Variants in TMEM223 observed in about 807,000 individuals in gnomAD.
TMEM223 encodes transmembrane protein 223.
Under a neutral mutation model 14.1 loss-of-function variants are expected in TMEM223, and 14 were observed. The ratio of observed to expected loss-of-function variants is 0.99; its 90% CI spans 0.66 to 1.55. The LOEUF is 1.55. Among genes scored for constraint, TMEM223 ranks in the 40% most tolerant of loss-of-function variants. TMEM223 has a pLI of 0.00. For missense variants in TMEM223, 346 were observed against 269.9 expected, an observed-to-expected ratio of 1.28 and a Z score of -1.97; for synonymous variants, 145 against 120.5, an observed-to-expected ratio of 1.20 and a Z score of -1.33.
At chr11:62,784,858 G>T (rs182224407), downstream of TMEM223, among the ~76,000 whole-genome samples, 6 of 152,082 alleles carry the variant, frequency 3.9e-5, no homozygotes, top group East Asian at 5.8e-4. Flanking sequence ...TTTTAAAAGG[G>T]TTTATATTCA....
At chr11:62,789,543 G>T, downstream of TMEM223, 1 of 1,565,428 alleles carries the variant, frequency 6.4e-7, no homozygotes, top group Non-Finnish European at 8.7e-7. Flanking sequence ...ACTGGGCACA[G>T]GTGTGCCTCG....
downstream of TMEM223, among the ~76,000 whole-genome samples, chr11:62,788,325 C>G (rs909707313): frequency 1.3e-5 from 2 of 152,082 alleles, no homozygotes; most frequent in African/African-American, 2.4e-5. Flanking sequence ...ATCGCTTGAA[C>G]CTGGGAGGCG....
chr11:62,778,466 G>T, intron 1 of TMEM223: 2 of 1,117,466 alleles, frequency 1.8e-6, no homozygotes, highest in Non-Finnish European at 2.6e-6. Flanking sequence ...CATGGTCTGA[G>T]TGGGCGCTGG....
downstream of TMEM223, among the ~76,000 whole-genome samples, chr11:62,788,842 C>T (rs780492327): frequency 4.9e-4 from 74 of 152,174 alleles, no homozygotes; most frequent in African/African-American, 1.7e-3. Context: ...TGGCCACTGC[C>T]GGTGTGATTC....
In TMEM223 at chr11:62,790,453, G is replaced by A; in HGVS notation, c.*170C>T. 3.0e-6 allele frequency: 1 copy of A among 329,742 alleles called. No homozygotes were observed. The highest frequency in any genetic ancestry group is 7.0e-5 in the South Asian group (1 of 14,238). 20.4% of individuals were successfully genotyped at this position (329,742 alleles called of 1,614,324 possible). On this transcript the variant is annotated 3_prime_UTR_variant, in exon 2 of 2. Transcript: ENST00000307366. ...GGCGTTTTTTTTTGTTTTTTTTTTTGTAAATAGAGACAAGGTCTCGCTATG... is the reference window on the plus strand; with the variant it reads ...GGCGTTTTTTTTTGTTTTTTTTTTTATAAATAGAGACAAGGTCTCGCTATG...
intron 1 of TMEM223, chr11:62,777,897 G>C: frequency 6.6e-7 from 1 of 1,521,386 alleles, no homozygotes; most frequent in Admixed American, 1.8e-5. Context: ...TCTCTGCTCT[G>C]GTCAGTGGAG....
chr11:62,790,101 A>T lies in TMEM223; in HGVS notation c.*522T>A. The T allele has an allele frequency of 6.8e-7, 1 of 1,468,146 alleles. No individual in the cohort carries two copies. The highest frequency in any genetic ancestry group is 9.0e-7 in the Non-Finnish European group (1 of 1,105,808). The allele number at this position is 1,468,146 out of a possible 1,614,324, so 90.9% of individuals were successfully genotyped here. On this transcript the variant is annotated 3_prime_UTR_variant, in exon 2 of 2. Transcript: ENST00000307366. ...AAGACTCCATGCCCAAGTGCCTGTA[A>T]TCCCCCCCCTCAAGGCCCTGTTTAT...
At chr11:62,774,853 G>A (rs2084173663) in intron 1 of TMEM223, among the ~76,000 whole-genome samples, 1 of 148,318 alleles carries the variant, frequency 6.7e-6, no homozygotes, top group Non-Finnish European at 1.5e-5. Context: ...GGAGGCTGAG[G>A]CAGGAGAGTT....
At chr11:62,789,663 A>G (rs1348543053), downstream of TMEM223, 3 of 1,548,028 alleles carry the variant, frequency 1.9e-6, no homozygotes, top group Non-Finnish European at 1.7e-6. Context: ...TTTTACTCCA[A>G]CCTACACAAT....
In TMEM223 at chr11:62,791,849, C is replaced by G; in HGVS notation, c.146G>C (p.Gly49Ala). Residue 49 changes from glycine to alanine, a missense_variant, in exon 1 of 2, where the codon GGG (glycine) becomes GCG (alanine). Coordinates refer to ENST00000307366, the MANE Select transcript of TMEM223 (RefSeq NM_001080501.3). Reference sequence around the variant, plus strand: ...GACGCCCTGGCCCGCGCAGAACAGCCCGAGGATGGTGAAGAAGCGGCCCCG... The same window carrying G: ...GACGCCCTGGCCCGCGCAGAACAGCGCGAGGATGGTGAAGAAGCGGCCCCG... Reference protein sequence around the residue: ...HDRGRFFTILGLFCAGQGVFW... With the variant: ...HDRGRFFTILALFCAGQGVFW... The G allele has an allele frequency of 6.3e-7, 1 of 1,592,294 alleles. No homozygotes were observed.
chr11:62,786,981 C>T, downstream of TMEM223: 1 of 1,453,446 alleles, frequency 6.9e-7, no homozygotes, highest in African/African-American at 1.5e-5. Context: ...GGCCCGCCGC[C>T]TCTGAGAGCA....
chr11:62,789,600 G>A, downstream of TMEM223: 1 of 1,550,238 alleles, frequency 6.5e-7, no homozygotes. Context: ...TGACCTCACA[G>A]CTGTTCTGAA....
rs565070658 is a variant in TMEM223 at position 62,791,678 on chromosome 11, C to T, written c.316+1G>A. 6.5e-7 allele frequency: 1 copy of T among 1,529,458 alleles called. No homozygotes were observed. The highest frequency in any genetic ancestry group is 1.4e-5 in the African/African-American group (1 of 72,792). 94.7% of individuals were successfully genotyped at this position (1,529,458 alleles called of 1,614,324 possible). ...CAGTGGGAAGCCAGCCCACGTCTTA[C>T]CGATGGCGCCGCAGCCGACGGCCAG... is the stretch of plus-strand genomic sequence containing the variant. On this transcript the variant is annotated splice_donor_variant, in intron 1 of 1. Transcript: ENST00000307366. LOFTEE classifies it high-confidence loss of function.
chr11:62,789,372 G>C, downstream of TMEM223: 1 of 1,613,834 alleles, frequency 6.2e-7, no homozygotes. Flanking sequence ...TGTATCCTTC[G>C]ATTTGGCACC....
intron 1 of TMEM223, chr11:62,781,755 T>C: frequency 4.0e-6 from 3 of 749,074 alleles, no homozygotes; most frequent in South Asian, 3.1e-5. Flanking sequence ...TTTATAGAAA[T>C]AGAATTGCTA....
At chr11:62,782,757 G>A (rs1451555193), downstream of TMEM223, 1 of 1,613,084 alleles carries the variant, frequency 6.2e-7, no homozygotes, top group South Asian at 1.1e-5. Flanking sequence ...GAAGATCCTG[G>A]CAGATCCTGT....
rs1043678186 is a variant in TMEM223 at position 62,790,488 on chromosome 11, C to T, written c.*135G>A. The T allele has an allele frequency of 5.4e-5, 44 of 820,138 alleles. No homozygotes were observed. Among genetic ancestry groups the T allele is most frequent in the Non-Finnish European group, 7.3e-5 (39 of 533,212 alleles). 50.8% of individuals were successfully genotyped at this position (820,138 alleles called of 1,614,324 possible). A position where few individuals can be genotyped will look rare whatever the true frequency, so the allele number is the denominator to read the frequency against. On this transcript the variant is annotated 3_prime_UTR_variant, in exon 2 of 2. Coordinates refer to ENST00000307366, the MANE Select transcript of TMEM223 (RefSeq NM_001080501.3). The stretch of plus-strand genomic sequence containing the variant: ...ACAAGGTCTCGCTATGTTGCCCAGC[C>T]TGGGCTCGAGCAGTGCTCCTGCCTC...
At chr11:62,782,401 G>A (rs2084237158) in intron 1 of TMEM223, 1 of 1,517,170 alleles carries the variant, frequency 6.6e-7, no homozygotes, top group African/African-American at 1.4e-5. Context: ...TAAGGAAATG[G>A]GGCGAAGCCT....
downstream of TMEM223, chr11:62,789,742 AGT>A (rs1590944101): frequency 6.6e-7 from 1 of 1,516,636 alleles, no homozygotes; most frequent in African/African-American, 1.4e-5. Context: ...GGTGCTCACC[AGT>A]GTATTGTGAG....
Sources: gnomAD v4.1 joint callset for allele counts (sites outside exome capture counted in the v4.1 genomes callset) on GRCh38, gnomAD v4.1.1 for gene constraint, MANE v1.5 for transcripts, NCBI Gene and HGNC (gene_info 2026-07-23, HGNC 2026-07-21) for gene names.